The following THSD7B variants were observed in gnomAD, a reference collection of about 807,000 sequenced individuals.
The protein encoded by THSD7B is thrombospondin type 1 domain containing 7B.
THSD7B carries 138 observed loss-of-function variants against 213.6 expected under a neutral mutation model. The ratio of observed to expected loss-of-function variants is 0.65; its 90% confidence interval spans 0.56 to 0.74. The LOEUF is 0.74. Ranked by LOEUF, THSD7B falls within the 30% of genes least tolerant of loss-of-function variation. THSD7B has a pLI of 0.00. For missense variants in THSD7B, 1,931 were observed against 1,991.5 expected (o/e 0.97, Z 0.58); for synonymous variants, 742 against 687.0 (o/e 1.08, Z -1.25).
At chr2:137,105,558 C>T (rs1383580614) in intron 4 of THSD7B, among the ~76,000 whole-genome samples, 1 of 152,094 alleles carries the variant, frequency 6.6e-6, no homozygotes, top group African/African-American at 2.4e-5. Context: ...CTGGCCAGGG[C>T]AATCAGGCAA....
At chr2:137,617,450 G>T (rs1383300259) in intron 18 of THSD7B, among the ~76,000 whole-genome samples, 1 of 152,044 alleles carries the variant, frequency 6.6e-6, no homozygotes, top group African/African-American at 2.4e-5. Context: ...TTTGTAATAT[G>T]ACTAGCCAAA....
At chr2:136,826,470 G>A (rs1247815702) in intron 1 of THSD7B, among the ~76,000 whole-genome samples, 2 of 152,300 alleles carry the variant, frequency 1.3e-5, no homozygotes, top group African/African-American at 4.8e-5. Flanking sequence ...TGATTACTAA[G>A]TAACTGCAAG....
chr2:136,834,912 G>A (rs1203358215), intron 1 of THSD7B, among the ~76,000 whole-genome samples: 1 of 152,174 alleles, frequency 6.6e-6, no homozygotes, highest in Non-Finnish European at 1.5e-5. Flanking sequence ...ATGAAATAAG[G>A]TTGGATGTAA....
intron 14 of THSD7B, among the ~76,000 whole-genome samples, chr2:137,447,612 G>A (rs1312915533): frequency 6.6e-6 from 1 of 151,842 alleles, no homozygotes; most frequent in Non-Finnish European, 1.5e-5. Context: ...TATGTTAGAG[G>A]ATTAGTCTTT....
chr2:137,278,554 A>T (rs181055150), intron 12 of THSD7B, among the ~76,000 whole-genome samples: 1 of 152,140 alleles, frequency 6.6e-6, no homozygotes, highest in Non-Finnish European at 1.5e-5. Context: ...CTCATCAAAG[A>T]TGAATAAATC....
At chr2:137,582,071 A>G (rs1056879209) in intron 17 of THSD7B, among the ~76,000 whole-genome samples, 19 of 151,976 alleles carry the variant, frequency 1.3e-4, no homozygotes, top group African/African-American at 4.6e-4. Flanking sequence ...GCGCCACTGC[A>G]CTGCAGCCTG....
chr2:136,852,812 G>A (rs1438632128), intron 1 of THSD7B, among the ~76,000 whole-genome samples: 1 of 151,928 alleles, frequency 6.6e-6, no homozygotes, highest in African/African-American at 2.4e-5. Flanking sequence ...GTGATTTCAA[G>A]TTCTGATTGT....
chr2:136,961,638 C>T (rs955546895), intron 2 of THSD7B, among the ~76,000 whole-genome samples: 1 of 152,072 alleles, frequency 6.6e-6, no homozygotes. Flanking sequence ...CAACTGGAAA[C>T]AAGGAGGAAC....
At chr2:137,293,816 C>T (rs1191516214) in intron 12 of THSD7B, among the ~76,000 whole-genome samples, 1 of 152,164 alleles carries the variant, frequency 6.6e-6, no homozygotes. Flanking sequence ...GACTATTAAT[C>T]TCCAAATCCA....
chr2:137,176,570 G>A (rs891560926), intron 7 of THSD7B, among the ~76,000 whole-genome samples: 1 of 152,164 alleles, frequency 6.6e-6, no homozygotes, highest in Non-Finnish European at 1.5e-5. Flanking sequence ...GAAGTAATGG[G>A]TTGTAGCACA....
intron 6 of THSD7B, among the ~76,000 whole-genome samples, chr2:137,169,868 A>G (rs1031328380): frequency 1.3e-4 from 20 of 152,316 alleles, no homozygotes; most frequent in Non-Finnish European, 2.4e-4. Flanking sequence ...ATTTAAAAAT[A>G]GAGGGATTTC....
intron 1 of THSD7B, among the ~76,000 whole-genome samples, chr2:136,776,845 C>T (rs541788002): frequency 1.1e-4 from 17 of 152,050 alleles, no homozygotes; most frequent in Admixed American, 2.0e-4. Flanking sequence ...CACACTTGTG[C>T]GCTCACACAC....
intron 2 of THSD7B, among the ~76,000 whole-genome samples, chr2:136,885,462 T>C (rs1293198175): frequency 6.6e-6 from 1 of 152,214 alleles, no homozygotes; most frequent in Non-Finnish European, 1.5e-5. Context: ...CTATCATTAT[T>C]GTGATGAGAT....
intron 15 of THSD7B, among the ~76,000 whole-genome samples, chr2:137,550,351 A>G (rs1281763554): frequency 2.0e-5 from 3 of 152,104 alleles, no homozygotes; most frequent in Admixed American, 6.6e-5. Context: ...TATGTTGCTG[A>G]TTGAGTGCCC....
chr2:137,315,641 G>A (rs979338029), intron 12 of THSD7B, among the ~76,000 whole-genome samples: 6 of 151,928 alleles, frequency 3.9e-5, no homozygotes, highest in African/African-American at 1.2e-4. Context: ...TCTATCTCTA[G>A]ATTATAAAAA....
At chr2:137,203,766 G>A (rs781180253) in intron 7 of THSD7B, among the ~76,000 whole-genome samples, 1 of 151,974 alleles carries the variant, frequency 6.6e-6, no homozygotes, top group Non-Finnish European at 1.5e-5. Context: ...TCAGAAAATA[G>A]AATATTATGC....
At chr2:137,497,206 C>CA (rs2105130386) in intron 15 of THSD7B, among the ~76,000 whole-genome samples, 1 of 81,866 alleles carries the variant, frequency 1.2e-5, no homozygotes, top group East Asian at 4.2e-4. Flanking sequence ...ACACAACACA[C>CA]ACACAGACAC....
At chr2:137,394,265 G>A (rs1481500343) in intron 12 of THSD7B, among the ~76,000 whole-genome samples, 3 of 109,580 alleles carry the variant, frequency 2.7e-5, no homozygotes, top group African/African-American at 9.8e-5. Flanking sequence ...GTATTGCCTA[G>A]GTTTTCTTCT....
At chr2:136,932,234 TAAG>T (rs1414367441) in intron 2 of THSD7B, among the ~76,000 whole-genome samples, 1 of 152,256 alleles carries the variant, frequency 6.6e-6, no homozygotes, top group Non-Finnish European at 1.5e-5. Flanking sequence ...AGAGGAAAGA[TAAG>T]AAGAAGAAAA....
Sources: gnomAD v4.1 joint callset for allele counts (sites outside exome capture counted in the v4.1 genomes callset) on GRCh38, gnomAD v4.1.1 for gene constraint, MANE v1.5 for transcripts, NCBI Gene and HGNC (gene_info 2026-07-23, HGNC 2026-07-21) for gene names.